Variants in SDHD observed in about 807,000 individuals in gnomAD.
SDHD encodes the protein succinate dehydrogenase complex subunit D, also known as succinate dehydrogenase [ubiquinone] cytochrome b small subunit, mitochondrial.
SDHD carries 6 observed loss-of-function variants against 18.7 expected under a neutral mutation model. That is an observed-to-expected ratio of 0.32 (90% CI 0.18 to 0.63). The LOEUF (loss-of-function observed/expected upper bound fraction) is 0.63. SDHD is among the 30% of genes least tolerant of loss of function. The probability of loss-of-function intolerance (pLI) is 0.79; values close to 1 mark genes in which losing one functional copy is unlikely to be tolerated. For missense variants in SDHD, 160 were observed against 192.7 expected (o/e 0.83, Z 1.00); for synonymous variants, 56 against 73.9 (o/e 0.76, Z 1.24).
intron 3 of SDHD, among the ~76,000 whole-genome samples, chr11:112,090,535 ATG>A (rs1481347951): frequency 6.6e-6 from 1 of 152,086 alleles, no homozygotes; most frequent in Non-Finnish European, 1.5e-5. Context: ...AAGGGACAAT[ATG>A]TTGTCATTGT....
chr11:112,091,832 G>C (rs1260012215), intron 3 of SDHD, among the ~76,000 whole-genome samples: 1 of 152,232 alleles, frequency 6.6e-6, no homozygotes, highest in African/African-American at 2.4e-5. Context: ...ACTTTGGGAG[G>C]CCGAGGCGGG....
Position 112,089,744 on chromosome 11 carries a change from C to G in SDHD, c.314+733C>G, listed in dbSNP as rs573726276. Among the ~76,000 whole-genome samples, 5 of 152,296 alleles carry G rather than the reference C, an allele frequency of 3.3e-5. No homozygotes were observed. In the East Asian group the frequency reaches 7.7e-4, roughly 24 times the overall value. On this transcript the variant is annotated intron_variant, in intron 3 of 3. Transcript: ENST00000375549. ...CTTGAATGCCATTCTCTCAACAAAG[C>G]CTTCCCTAACCACTTATTCAAAATT... is the stretch of plus-strand genomic sequence containing the variant.
Position 112,094,842 on chromosome 11 carries a change from G to A in SDHD, c.352G>A (p.Asp118Asn), listed in dbSNP as rs1865810526. ...GQVVTDYVHG[D>N]ALQKAAKAGL... ...AGTTGTTACTGACTATGTTCATGGGGATGCCTTGCAGAAAGCTGCCAAGGC... is the reference window on the plus strand; with the variant it reads ...AGTTGTTACTGACTATGTTCATGGGAATGCCTTGCAGAAAGCTGCCAAGGC... Residue 118 changes from aspartate (D) to asparagine (N), a missense_variant, in exon 4 of 4, where the codon GAT becomes AAT. Transcript: ENST00000375549. 1 of 1,612,024 alleles carries A rather than the reference G, an allele frequency of 6.2e-7. No individual in the cohort carries two copies.
chr11:112,093,493 A>G (rs748457278), intron 3 of SDHD, among the ~76,000 whole-genome samples: 2 of 152,162 alleles, frequency 1.3e-5, no homozygotes, highest in Non-Finnish European at 2.9e-5. Flanking sequence ...ATGTTCTGGA[A>G]TTAAATGATG....
At chr11:112,089,037 T>C in intron 3 of SDHD, 26 bp downstream of exon 3, 1 of 1,613,770 alleles carries the variant, frequency 6.2e-7, no homozygotes, top group Non-Finnish European at 8.5e-7. Flanking sequence ...CCAAATATAG[T>C]TGTCTGCTCA....
intron 3 of SDHD, 114 bp downstream of exon 3, chr11:112,089,125 C>T: frequency 9.5e-7 from 1 of 1,056,984 alleles, no homozygotes; most frequent in Non-Finnish European, 1.4e-6. Flanking sequence ...TTGTTGAAAA[C>T]TTTAAAATAT....
At chr11:112,090,492 T>C (rs905990348) in intron 3 of SDHD, among the ~76,000 whole-genome samples, 6 of 152,178 alleles carry the variant, frequency 3.9e-5, no homozygotes, top group African/African-American at 9.7e-5. Flanking sequence ...AATGACAGGT[T>C]GGGTTCCTTG....
chr11:112,094,385 G>T (rs141466980), intron 3 of SDHD, among the ~76,000 whole-genome samples: 17 of 151,402 alleles, frequency 1.1e-4, no homozygotes, highest in Non-Finnish European at 2.1e-4. Context: ...GCAAAAGAGC[G>T]AGACTCTGTC....
intron 3 of SDHD, chr11:112,093,291 C>A: frequency 4.5e-6 from 1 of 224,176 alleles, no homozygotes; most frequent in Non-Finnish European, 9.4e-6. Flanking sequence ...GTCTTGAACT[C>A]CCAACATCAG....
intron 2 of SDHD, chr11:112,088,561 G>A: frequency 2.4e-6 from 1 of 418,620 alleles, no homozygotes; most frequent in Non-Finnish European, 4.5e-6. Flanking sequence ...ACTGAACCAA[G>A]ACTGGCTTAA....
chr11:112,093,796 A>G (rs1377636653), intron 3 of SDHD, among the ~76,000 whole-genome samples: 2 of 152,124 alleles, frequency 1.3e-5, no homozygotes, highest in Non-Finnish European at 2.9e-5. Flanking sequence ...TTCATTAGAG[A>G]TGCCACTTTG....
In SDHD at chr11:112,087,905, T is replaced by G. The variant is rs141802836; in HGVS notation, c.101T>G (p.Phe34Cys). ...GTCAGACCTGCTCATATCTCAGCATTTCTTCAGGACCGACCTATCCCAGAA... is the reference window on the plus strand; with the variant it reads ...GTCAGACCTGCTCATATCTCAGCATGTCTTCAGGACCGACCTATCCCAGAA... ...PVVRPAHISAFLQDRPIPEWC... is the reference protein window; with the variant it reads ...PVVRPAHISACLQDRPIPEWC... Residue 34 changes from phenylalanine to cysteine, a missense_variant, in exon 2 of 4, where the codon TTT becomes TGT. Transcript: ENST00000375549. 44 of 1,614,066 alleles carry G rather than the reference T, an allele frequency of 2.7e-5. No individual in the cohort carries two copies. In the African/African-American group the frequency reaches 5.1e-4, roughly 19 times the overall value.
chr11:112,090,149 C>G (rs1003091519), intron 3 of SDHD, among the ~76,000 whole-genome samples: 1 of 152,098 alleles, frequency 6.6e-6, no homozygotes, highest in African/African-American at 2.4e-5. Context: ...GCTCTGTTGC[C>G]CAGGCTGGAG....
chr11:112,087,351 G>A (rs779338295), intron 1 of SDHD, among the ~76,000 whole-genome samples: 1 of 152,116 alleles, frequency 6.6e-6, no homozygotes, highest in African/African-American at 2.4e-5. Flanking sequence ...GTGGAGGGGG[G>A]ATCAGTTCGA....
chr11:112,094,728 G>A lies in SDHD; in HGVS notation c.315-77G>A, dbSNP rs1865806982. On this transcript the variant is annotated intron_variant, in intron 3 of 3. Transcript: ENST00000375549. Reference sequence around the variant, plus strand: ...TTTGAACTTGACAGATTGTTTTTTTGCAGCCAAGTTATCTGTATAGTCTTC... The same window carrying A: ...TTTGAACTTGACAGATTGTTTTTTTACAGCCAAGTTATCTGTATAGTCTTC... 8 of 1,329,842 alleles carry A rather than the reference G, an allele frequency of 6.0e-6. No homozygotes were observed. In the East Asian group the frequency reaches 1.8e-4, roughly 31 times the overall value. The allele number at this position is 1,329,842 out of a possible 1,614,324, so 82.4% of individuals were successfully genotyped here. A position where few individuals can be genotyped will look rare whatever the true frequency, so the allele number is the denominator to read the frequency against.
At chr11:112,092,750 G>A (rs77223286) in intron 3 of SDHD, among the ~76,000 whole-genome samples, 3 of 152,000 alleles carry the variant, frequency 2.0e-5, no homozygotes, top group Admixed American at 2.0e-4. Flanking sequence ...CATCTGACTC[G>A]GCGATCTACT....
chr11:112,091,047 G>GT, intron 3 of SDHD: 1 of 932,488 alleles, frequency 1.1e-6, no homozygotes, highest in Non-Finnish European at 1.3e-6. Context: ...AGAATGAGTT[G>GT]TTGTTGTTGA....
rs1865617367 is a variant in SDHD, at chr11:112,086,894, C to A, written c.-14C>A. The A allele has an allele frequency of 3.7e-6, 6 of 1,614,174 alleles. No homozygotes were observed. The South Asian group carries it at 6.6e-5, about 18-fold the overall frequency. On this transcript the variant is annotated 5_prime_UTR_variant, in exon 1 of 4. Transcript: ENST00000375549. ...TTCCGGGTTGGTGGATGACCTTGAGCCCTCAGGAACGAGATGGCGGTTCTC... is the reference window on the plus strand; with the variant it reads ...TTCCGGGTTGGTGGATGACCTTGAGACCTCAGGAACGAGATGGCGGTTCTC...
In SDHD at chr11:112,091,166, T is replaced by TTC. The variant is rs1435758707; in HGVS notation, c.314+2155_314+2156insTC. 1.4e-5 allele frequency: 12 copies of TTC among 842,768 alleles called. No individual in the cohort carries two copies. In the South Asian group the frequency reaches 6.0e-4, roughly 42 times the overall value. The allele number at this position is 842,768 out of a possible 1,614,324, so 52.2% of individuals were successfully genotyped here. A position where few individuals can be genotyped will look rare whatever the true frequency, so the allele number is the denominator to read the frequency against. On this transcript the variant is annotated intron_variant, in intron 3 of 3. Transcript: ENST00000375549. ...TATTTCTCTAACATGTCATCCCTCT[T>TTC]GAAGGAGCTGTCTATAATGTGCTCC...
Sources: gnomAD v4.1 joint callset for allele counts (sites outside exome capture counted in the v4.1 genomes callset) on GRCh38, gnomAD v4.1.1 for gene constraint, MANE v1.5 for transcripts, NCBI Gene and HGNC (gene_info 2026-07-23, HGNC 2026-07-21) for gene names.